Variants in PRAG1 observed in about 807,000 individuals in gnomAD.
The protein encoded by PRAG1 is PEAK1 related, kinase-activating pseudokinase 1.
In PRAG1, 110 loss-of-function variants were observed where a neutral mutation model predicts 95.6. That is an observed-to-expected ratio of 1.15 (90% confidence interval 0.99 to 1.35). The LOEUF is 1.35. PRAG1 is among the 40% of genes most tolerant of loss of function. PRAG1 has a pLI of 0.00. For missense variants in PRAG1, 2,554 were observed against 1,864.7 expected, an observed-to-expected ratio of 1.37 and a Z score of -6.81; for synonymous variants, 1,052 against 819.4, an observed-to-expected ratio of 1.28 and a Z score of -4.85.
chr8:8,345,474 G>A lies in PRAG1; in HGVS notation c.2163-5839C>T, dbSNP rs747508538. 1.8e-4 allele frequency among the ~76,000 whole-genome samples: 27 copies of A among 152,034 alleles called. 1 individual carries two copies. The highest frequency in any genetic ancestry group is 4.8e-5 in the African/African-American group (2 of 41,398). ...ATATAACAGGTCTTCCAAAACACAC[G>A]TAGGTGACCCTTTTGCTTAATAGCA... On this transcript the variant is annotated intron_variant, in intron 3 of 5. Coordinates refer to ENST00000615670, the MANE Select transcript of PRAG1 (RefSeq NM_001080826.3).
chr8:8,322,531 T>A (rs1343113689), intron 5 of PRAG1, among the ~76,000 whole-genome samples: 1 of 152,106 alleles, frequency 6.6e-6, no homozygotes, highest in Non-Finnish European at 1.5e-5. Context: ...GTCAAGGGCA[T>A]TCCAAAGTGA....
Position 8,318,460 on chromosome 8 carries a change from A to T in PRAG1, c.3915T>A (p.His1305Gln), listed in dbSNP as rs752442174. Reference protein sequence around the residue: ...LYSPGLQQLAHLLLEADPIKR... With the variant: ...LYSPGLQQLAQLLLEADPIKR... ...TGATGGGGTCGGCCTCCAGTAGCAG[A>T]TGTGCCAGCTGCTGCAGGCCGGGTG... is the stretch of plus-strand genomic sequence containing the variant. Residue 1305 changes from histidine (H) to glutamine (Q), a missense_variant, in exon 6 of 6, where the codon CAT becomes CAA. His to Gln is a conservative substitution (Grantham distance 24). Transcript: ENST00000615670. The surrounding 1 kb of genome is among the most constrained non-coding windows in gnomAD (Gnocchi z 4.2). 14 of 1,612,380 alleles carry T rather than the reference A, an allele frequency of 8.7e-6. No homozygotes were observed. The East Asian group carries it at 3.1e-4, about 36-fold the overall frequency.
chr8:8,333,655 G>C (rs1798891594), intron 4 of PRAG1, among the ~76,000 whole-genome samples: 1 of 152,208 alleles, frequency 6.6e-6, no homozygotes. Context: ...GCCAAAATGA[G>C]AGCTGAGCTG....
At chr8:8,325,496 A>C (rs1438682753) in intron 5 of PRAG1, among the ~76,000 whole-genome samples, 1 of 152,214 alleles carries the variant, frequency 6.6e-6, no homozygotes, top group Non-Finnish European at 1.5e-5. Flanking sequence ...ACTTGTTTTT[A>C]ACATTCTTAA....
chr8:8,360,585 A>C (rs1213366750), intron 3 of PRAG1, among the ~76,000 whole-genome samples: 3 of 152,106 alleles, frequency 2.0e-5, no homozygotes, highest in Non-Finnish European at 4.4e-5. Flanking sequence ...TCCTCTATTG[A>C]CTTATTCTTC....
At chr8:8,373,514 A>T (rs116304863) in intron 3 of PRAG1, among the ~76,000 whole-genome samples, 1 of 146,926 alleles carries the variant, frequency 6.8e-6, no homozygotes, top group African/African-American at 2.6e-5. Flanking sequence ...CAGTGGCACA[A>T]TCATAGCTCA....
chr8:8,325,232 G>A (rs993991243), intron 5 of PRAG1, among the ~76,000 whole-genome samples: 2 of 152,178 alleles, frequency 1.3e-5, no homozygotes, highest in South Asian at 2.1e-4. Context: ...CCCACGGCCC[G>A]CCCCCCCAAT....
At chr8:8,324,570 A>G (rs544997466) in intron 5 of PRAG1, among the ~76,000 whole-genome samples, 33 of 151,732 alleles carry the variant, frequency 2.2e-4, no homozygotes, top group Admixed American at 5.9e-4. Flanking sequence ...CCATCTCCCT[A>G]CTCCCTGCCC....
intron 3 of PRAG1, among the ~76,000 whole-genome samples, chr8:8,366,724 G>C (rs1406316358): frequency 6.6e-6 from 1 of 152,006 alleles, no homozygotes; most frequent in Non-Finnish European, 1.5e-5. Context: ...TGTCACCCAG[G>C]ATGGAGTGCA....
chr8:8,334,435 CA>C (rs11373012), intron 4 of PRAG1, among the ~76,000 whole-genome samples: 129 of 136,584 alleles, frequency 9.4e-4, no homozygotes, highest in Non-Finnish European at 1.1e-3. Flanking sequence ...GACTCCATCT[CA>C]AAAAAAAAAA....
chr8:8,380,457 G>C lies in PRAG1; in HGVS notation c.330+961C>G, dbSNP rs544334883. 3.3e-5 allele frequency among the ~76,000 whole-genome samples: 5 copies of C among 152,076 alleles called. No homozygotes were observed. In the South Asian group the frequency reaches 1.0e-3, roughly 32 times the overall value. On this transcript the variant is annotated intron_variant, in intron 2 of 5. Coordinates refer to ENST00000615670, the MANE Select transcript of PRAG1 (RefSeq NM_001080826.3). Reference sequence around the variant, plus strand: ...CTACTAAAAATACAAAGATTAGTTGGGCATGGCAGTATGTACCTATAGCCC... The same window carrying C: ...CTACTAAAAATACAAAGATTAGTTGCGCATGGCAGTATGTACCTATAGCCC...
chr8:8,323,877 C>T (rs1798546366), intron 5 of PRAG1, among the ~76,000 whole-genome samples: 1 of 152,206 alleles, frequency 6.6e-6, no homozygotes, highest in African/African-American at 2.4e-5. Context: ...GAAAGCGCTT[C>T]GAGTATTGAT....
chr8:8,376,129 CA>C, intron 3 of PRAG1, 117 bp downstream of exon 3: 1 of 1,390,134 alleles, frequency 7.2e-7, no homozygotes, highest in Admixed American at 2.3e-5. Flanking sequence ...CATAAAGGCA[CA>C]AGGGCCTTTG....
chr8:8,381,870 G>T, intron 1 of PRAG1, 36 bp from the exon 2 acceptor site: 1 of 724,118 alleles, frequency 1.4e-6, no homozygotes, highest in Non-Finnish European at 2.2e-6. Context: ...TTAGAGATTT[G>T]CCATGCCAGA....
intron 4 of PRAG1, among the ~76,000 whole-genome samples, chr8:8,336,894 T>A (rs1011107195): frequency 3.0e-5 from 1 of 33,242 alleles, no homozygotes; most frequent in African/African-American, 1.4e-4. Context: ...CCCACTCCCC[T>A]CCCCACACCC....
chr8:8,330,328 C>T (rs1798781910), intron 4 of PRAG1, among the ~76,000 whole-genome samples: 2 of 152,260 alleles, frequency 1.3e-5, no homozygotes, highest in African/African-American at 2.4e-5. Context: ...ACTGTGCCAC[C>T]GCACTCCCAC....
rs541406007 is a variant in PRAG1, at chr8:8,336,699, C to G, written c.2320+2779G>C. The stretch of plus-strand genomic sequence containing the variant: ...TCCTTATACAACTAAAACCTCCCCC[C>G]ACCCATAAAACGCAAATCATTAACT... On this transcript the variant is annotated intron_variant, in intron 4 of 5. Coordinates refer to ENST00000615670, the MANE Select transcript of PRAG1 (RefSeq NM_001080826.3). Among the ~76,000 whole-genome samples the G allele has an allele frequency of 4.0e-4, 61 of 151,992 alleles. 1 individual carries two copies. The South Asian group carries it at 5.0e-3, about 12-fold the overall frequency.
intron 3 of PRAG1, among the ~76,000 whole-genome samples, chr8:8,344,436 T>A (rs1049143194): frequency 6.6e-6 from 1 of 152,182 alleles, no homozygotes. Context: ...TATATACATG[T>A]TTTACGGAGC....
intron 3 of PRAG1, among the ~76,000 whole-genome samples, chr8:8,365,249 T>C (rs537513316): frequency 3.9e-5 from 6 of 152,170 alleles, no homozygotes; most frequent in Non-Finnish European, 8.8e-5. Context: ...TCACTGAATT[T>C]TCATTGTTAA....
Sources: allele counts gnomAD v4.1 joint callset (sites outside exome capture counted in the v4.1 genomes callset), GRCh38; gene constraint gnomAD v4.1.1; non-coding constraint Gnocchi (gnomAD v3.1); transcripts MANE v1.5; gene names NCBI Gene and HGNC (gene_info 2026-07-23, HGNC 2026-07-21).